The following CEP57 variants were observed in gnomAD, a reference collection of about 807,000 sequenced individuals.
CEP57 encodes centrosomal protein of 57 kDa.
A neutral mutation model predicts 68.0 loss-of-function variants in CEP57; 40 were observed. The ratio of observed to expected loss-of-function variants is 0.59; its 90% CI spans 0.46 to 0.77. CEP57 has a LOEUF of 0.77. Among genes scored for constraint, CEP57 ranks in the 30% least tolerant of loss-of-function variants. The probability of loss-of-function intolerance (pLI) is 0.00; values close to 1 mark genes in which losing one functional copy is unlikely to be tolerated. For missense variants in CEP57, 606 were observed against 580.7 expected, an observed-to-expected ratio of 1.04 and a Z score of -0.45; for synonymous variants, 219 against 198.7, an observed-to-expected ratio of 1.10 and a Z score of -0.86.
At chr11:95,819,261 C>T (rs190997979) in intron 6 of CEP57, among the ~76,000 whole-genome samples, 210 of 152,290 alleles carry the variant, frequency 1.4e-3, no homozygotes, top group African/African-American at 4.9e-3. Flanking sequence ...CTTATAGGTA[C>T]TTCTCTTTGG....
At chr11:95,804,572 T>C (rs551572774) in intron 2 of CEP57, among the ~76,000 whole-genome samples, 1 of 152,302 alleles carries the variant, frequency 6.6e-6, no homozygotes, top group African/African-American at 2.4e-5. Flanking sequence ...ACTGGAACAC[T>C]GCGGCCCGTG....
At chr11:95,790,406 C>T (rs757680835), upstream of CEP57, 2 of 518,700 alleles carry the variant, frequency 3.9e-6, no homozygotes, top group Non-Finnish European at 6.9e-6. Flanking sequence ...TACCTTGTGA[C>T]GTCACCAGGG....
At chr11:95,814,357 ATTTTTTTT>A (rs1170474932) in intron 4 of CEP57, among the ~76,000 whole-genome samples, 58 of 109,926 alleles carry the variant, frequency 5.3e-4, no homozygotes, top group African/African-American at 1.9e-3. Context: ...CCTTGTGTGT[ATTTTTTTT>A]TTTTTTTTTT....
chr11:95,815,881 A>G (rs1862276697), intron 4 of CEP57, among the ~76,000 whole-genome samples: 1 of 152,192 alleles, frequency 6.6e-6, no homozygotes, highest in South Asian at 2.1e-4. Context: ...CATTGCCTAA[A>G]GTTTTATATT....
At chr11:95,813,390 A>T in intron 3 of CEP57, 78 bp from the exon 4 acceptor site, 1 of 1,539,740 alleles carries the variant, frequency 6.5e-7, no homozygotes. Flanking sequence ...TACACAATAG[A>T]TCCAATTCCT....
intron 8 of CEP57, chr11:95,827,496 T>TGG (rs1393878743): frequency 2.7e-6 from 1 of 369,252 alleles, no homozygotes; most frequent in Non-Finnish European, 5.0e-6. Context: ...TCTGCAAATA[T>TGG]GGTTTGTTCA....
At chr11:95,827,721 G>A (rs933587899) in intron 8 of CEP57, 65 bp from the exon 9 acceptor site, 1 of 1,597,884 alleles carries the variant, frequency 6.3e-7, no homozygotes, top group African/African-American at 1.3e-5. Flanking sequence ...CCTAGGCTTA[G>A]GGAATAGAAA....
Position 95,813,117 on chromosome 11 carries a change from TTGA to T in CEP57, c.382+10_382+12del, listed in dbSNP as rs750802143. The T allele has an allele frequency of 8.1e-6, 13 of 1,611,448 alleles. No homozygotes were observed. Among genetic ancestry groups the T allele is most frequent in the African/African-American group, 1.3e-5 (1 of 74,980 alleles). On this transcript the variant is annotated splice_region_variant and intron_variant, in intron 3 of 10. Transcript: ENST00000325542. ...GGAATCAAAGCACAATCAAGGTTTGTTGATGAAGAAAATTAAAATTCTATCAAA... is the reference window on the plus strand; with the variant it reads ...GGAATCAAAGCACAATCAAGGTTTGTTGAAGAAAATTAAAATTCTATCAAA...
Position 95,790,683 on chromosome 11 carries a change from C to G in CEP57, c.-16C>G, listed in dbSNP as rs533630708. The stretch of plus-strand genomic sequence containing the variant: ...ACCGCCCCCGAAGTGCGGAGACCCC[C>G]TGGGCAGGCTGAAAGATGGCGGCGG... On this transcript the variant is annotated 5_prime_UTR_variant, in exon 1 of 11. Transcript: ENST00000325542. 4.3e-6 allele frequency: 7 copies of G among 1,613,616 alleles called. No individual in the cohort carries two copies. The South Asian group carries it at 7.7e-5, about 18-fold the overall frequency.
At chr11:95,811,138 A>G (rs1006513831) in intron 2 of CEP57, among the ~76,000 whole-genome samples, 26 of 152,220 alleles carry the variant, frequency 1.7e-4, no homozygotes, top group African/African-American at 5.8e-4. Context: ...ATACACATGT[A>G]TGTTTATTGC....
At chr11:95,794,274 T>G (rs1382011704) in intron 1 of CEP57, 3 of 455,830 alleles carry the variant, frequency 6.6e-6, no homozygotes, top group African/African-American at 2.0e-5. Flanking sequence ...GAATATGTAC[T>G]GTGACTCAAC....
intron 1 of CEP57, among the ~76,000 whole-genome samples, chr11:95,798,210 A>C (rs915044077): frequency 2.0e-5 from 3 of 152,162 alleles, no homozygotes; most frequent in South Asian, 2.1e-4. Context: ...AGTGTGTTTT[A>C]TATTTATATA....
At chr11:95,829,157 A>T (rs775835653) in intron 9 of CEP57, 30 bp from the exon 10 acceptor site, 1 of 1,612,440 alleles carries the variant, frequency 6.2e-7, no homozygotes, top group Admixed American at 1.7e-5. Context: ...CAGAAAACTT[A>T]ACCATGTTCT....
intron 8 of CEP57, chr11:95,826,813 T>C (rs1017622346): frequency 1.3e-5 from 2 of 152,224 alleles, no homozygotes; most frequent in Non-Finnish European, 2.9e-5. Context: ...GTTACATCGA[T>C]TGATTTTTGA....
intron 4 of CEP57, among the ~76,000 whole-genome samples, chr11:95,814,909 G>A (rs190666976): frequency 6.6e-6 from 1 of 152,218 alleles, no homozygotes; most frequent in Non-Finnish European, 1.5e-5. Flanking sequence ...CTATAAAATG[G>A]TGTGGTATTT....
intron 10 of CEP57, 140 bp downstream of exon 10, chr11:95,829,471 T>C (rs1862909901): frequency 4.4e-6 from 4 of 909,830 alleles, no homozygotes; most frequent in Non-Finnish European, 6.9e-6. Flanking sequence ...CATTTGTTCA[T>C]TGAGAATTGG....
At chr11:95,796,071 T>C (rs1861336000) in intron 1 of CEP57, among the ~76,000 whole-genome samples, 1 of 152,232 alleles carries the variant, frequency 6.6e-6, no homozygotes, top group Non-Finnish European at 1.5e-5. Flanking sequence ...ACATCCAATT[T>C]ACCAGTTCCC....
rs532653053 is a variant in CEP57, at chr11:95,831,628, A to T, written c.*372A>T. The T allele has an allele frequency of 6.4e-6, 1 of 155,832 alleles. No homozygotes were observed. The highest frequency in any genetic ancestry group is 2.0e-4 in the South Asian group (1 of 5,114). 9.7% of individuals were successfully genotyped at this position (155,832 alleles called of 1,614,324 possible). ...AATTTTCAAAATATGAGACTATGCT[A>T]TAGGCAGTGCTTGCTTGAAAAGTCT... On this transcript the variant is annotated 3_prime_UTR_variant, in exon 11 of 11. Transcript: ENST00000325542.
chr11:95,831,488 T>A lies in CEP57; in HGVS notation c.*232T>A, dbSNP rs574643111. The stretch of plus-strand genomic sequence containing the variant: ...AGCCCGAGAAACCACACATAATCTT[T>A]TGTTGAGATGAGTTTGCTGTACTGA... On this transcript the variant is annotated 3_prime_UTR_variant, in exon 11 of 11. Transcript: ENST00000325542. 2.4e-6 allele frequency: 1 copy of A among 421,546 alleles called. No homozygotes were observed. The highest frequency in any genetic ancestry group is 2.0e-5 in the African/African-American group (1 of 49,724). The allele number at this position is 421,546 out of a possible 1,614,324, so 26.1% of individuals were successfully genotyped here. A position where few individuals can be genotyped will look rare whatever the true frequency, so the allele number is the denominator to read the frequency against.
Sources: gnomAD v4.1 joint callset for allele counts (sites outside exome capture counted in the v4.1 genomes callset) on GRCh38, gnomAD v4.1.1 for gene constraint, MANE v1.5 for transcripts, NCBI Gene and HGNC (gene_info 2026-07-23, HGNC 2026-07-21) for gene names.